Variants in FGD4 observed in about 807,000 individuals in gnomAD.
FGD4 encodes FYVE, RhoGEF and PH domain containing 4.
In FGD4, 42 loss-of-function variants were observed where a neutral mutation model predicts 102.0. The ratio of observed to expected loss-of-function variants is 0.41; its 90% CI spans 0.32 to 0.53. FGD4 has a LOEUF of 0.53. Among genes scored for constraint, FGD4 ranks in the 20% least tolerant of loss-of-function variants. The pLI, the probability that FGD4 is intolerant of heterozygous loss-of-function variation, is 0.21. For synonymous variants in FGD4, 380 were observed against 375.7 expected (o/e 1.01, Z -0.13); for missense variants, 902 against 1,078.2 (o/e 0.84, Z 2.29).
chr12:32,566,708 G>C (rs528373517), intron 2 of FGD4, among the ~76,000 whole-genome samples: 1 of 152,304 alleles, frequency 6.6e-6, no homozygotes, highest in African/African-American at 2.4e-5. Flanking sequence ...TTAGTGGAGA[G>C]AAGCTGATTT....
At position 32,458,983 on chromosome 12, in the gene FGD4, T is replaced by C. The variant is rs894611953; in HGVS notation, c.166+59024T>C. Among the ~76,000 whole-genome samples, 10 of 152,192 alleles carry C rather than the reference T, an allele frequency of 6.6e-5. No homozygotes were observed. The South Asian group carries it at 1.2e-3, about 19-fold the overall frequency. ...TTAGAAAAGAAGCCAGGTCTTTTCA[T>C]TGGAATTATCAATCCTTTCCTCATG... On this transcript the variant is annotated intron_variant, in intron 1 of 16. Coordinates refer to ENST00000534526, the MANE Select transcript of FGD4 (RefSeq NM_001370298.3).
In FGD4 at chr12:32,453,214, A is replaced by ATC. The variant is rs1565749028; in HGVS notation, c.166+53256_166+53257insCT. Among the ~76,000 whole-genome samples the ATC allele has an allele frequency of 2.5e-4, 13 of 52,160 alleles. 1 individual carries two copies. Among genetic ancestry groups the ATC allele is most frequent in the African/African-American group, 6.8e-4 (13 of 18,986 alleles). The allele number at this position is 52,160 out of a possible 152,430, so 34.2% of individuals were successfully genotyped here. A position where few individuals can be genotyped will look rare whatever the true frequency, so the allele number is the denominator to read the frequency against. On this transcript the variant is annotated intron_variant, in intron 1 of 16. Transcript: ENST00000534526. Reference sequence around the variant, plus strand: ...TTATATATATATTATATATATATATATATATAATATAGATATATATATATT... The same window carrying ATC: ...TTATATATATATTATATATATATATATCTATATAATATAGATATATATATATT...
At chr12:32,605,829 G>A (rs146429714) in intron 7 of FGD4, among the ~76,000 whole-genome samples, 155 of 152,284 alleles carry the variant, frequency 1.0e-3, no homozygotes, top group African/African-American at 3.5e-3. Flanking sequence ...GTGAAATAAT[G>A]TATTCAAATT....
chr12:32,422,287 G>GTTTTTTTTTTTTTT (rs1565730786), intron 1 of FGD4, among the ~76,000 whole-genome samples: 1 of 91,678 alleles, frequency 1.1e-5, no homozygotes, highest in Non-Finnish European at 2.3e-5. Context: ...ATTGGGAGCT[G>GTTTTTTTTTTTTTT]CTTTTTTTTT....
intron 1 of FGD4, among the ~76,000 whole-genome samples, chr12:32,542,002 G>A (rs947184329): frequency 5.3e-5 from 8 of 151,906 alleles, no homozygotes; most frequent in African/African-American, 7.3e-5. Context: ...ATCACCTTGC[G>A]TTTCACCGCA....
intron 15 of FGD4, 92 bp downstream of exon 15, chr12:32,633,781 T>G: frequency 8.4e-7 from 1 of 1,188,736 alleles, no homozygotes; most frequent in Non-Finnish European, 1.2e-6. Context: ...AGTGGCACGA[T>G]CTCAGCTCAC....
chr12:32,599,889 C>T (rs1282687727), intron 5 of FGD4, among the ~76,000 whole-genome samples: 1 of 152,004 alleles, frequency 6.6e-6, no homozygotes, highest in East Asian at 1.9e-4. Flanking sequence ...AAGAATAGGA[C>T]AAATGGTAGA....
chr12:32,607,038 T>A (rs535929378), intron 7 of FGD4, among the ~76,000 whole-genome samples: 18 of 152,382 alleles, frequency 1.2e-4, no homozygotes, highest in Non-Finnish European at 2.1e-4. Flanking sequence ...GAGTCCAAAG[T>A]CATTTAATAC....
At position 32,604,936 on chromosome 12, in the gene FGD4, C is replaced by CTTTTTTTTTTTTTTTTTTTT. The variant is rs575943561; in HGVS notation, c.1404+2638_1404+2639insTTTTTTTTTTTTTTTTTTTT. ...TCAATTTTATCTAGCTTTATAGCTG[C>CTTTTTTTTTTTTTTTTTTTT]TTTTTTTTTTTTTTTTTTTGGAGTT... On this transcript the variant is annotated intron_variant, in intron 7 of 16. Transcript: ENST00000534526. Among the ~76,000 whole-genome samples, 16 of 94,522 alleles carry CTTTTTTTTTTTTTTTTTTTT rather than the reference C, an allele frequency of 1.7e-4. 2 individuals are homozygous for CTTTTTTTTTTTTTTTTTTTT. Among genetic ancestry groups the CTTTTTTTTTTTTTTTTTTTT allele is most frequent in the African/African-American group, 6.0e-4 (12 of 20,024 alleles). 62.0% of individuals were successfully genotyped at this position (94,522 alleles called of 152,430 possible).
intron 1 of FGD4, among the ~76,000 whole-genome samples, chr12:32,478,488 A>G (rs2136538169): frequency 6.6e-6 from 1 of 151,702 alleles, no homozygotes; most frequent in East Asian, 1.9e-4. Context: ...CTGGTCTTGA[A>G]CTCCTGACCT....
intron 4 of FGD4, among the ~76,000 whole-genome samples, chr12:32,591,761 GAC>G (rs1317719788): frequency 1.3e-5 from 2 of 152,352 alleles, no homozygotes; most frequent in South Asian, 4.1e-4. Flanking sequence ...AGGCAGGACT[GAC>G]ACTGCAGTAC....
intron 1 of FGD4, among the ~76,000 whole-genome samples, chr12:32,499,205 G>C (rs1244304812): frequency 6.6e-6 from 1 of 152,190 alleles, no homozygotes; most frequent in Non-Finnish European, 1.5e-5. Context: ...CGCAGTATTT[G>C]AGGAAGATAA....
At chr12:32,434,442 C>A (rs1205084854) in intron 1 of FGD4, among the ~76,000 whole-genome samples, 1 of 152,144 alleles carries the variant, frequency 6.6e-6, no homozygotes, top group South Asian at 2.1e-4. Context: ...AAAATAGTTT[C>A]TTTCTCCCTT....
chr12:32,505,152 C>A (rs1238036879), intron 1 of FGD4, among the ~76,000 whole-genome samples: 1 of 152,146 alleles, frequency 6.6e-6, no homozygotes, highest in African/African-American at 2.4e-5. Flanking sequence ...CTGCTATGTT[C>A]ACATGTCCTT....
At chr12:32,517,657 C>T (rs1940034557) in intron 1 of FGD4, among the ~76,000 whole-genome samples, 1 of 152,088 alleles carries the variant, frequency 6.6e-6, no homozygotes, top group African/African-American at 2.4e-5. Context: ...CTTTGAGAGG[C>T]CAAGGCAGGA....
intron 11 of FGD4, among the ~76,000 whole-genome samples, chr12:32,620,297 A>C (rs12300734): frequency 0.15 from 22,862 of 152,088 alleles, 1,976 homozygotes; most frequent in Middle Eastern, 0.26. Context: ...CTTAGGGGCA[A>C]TCAAATGAAA....
intron 1 of FGD4, among the ~76,000 whole-genome samples, chr12:32,403,778 G>A (rs577740947): frequency 2.6e-5 from 4 of 152,024 alleles, no homozygotes; most frequent in African/African-American, 9.6e-5. Context: ...TGTATTTTTA[G>A]TAGAGACGGG....
rs1294353519 is a variant in FGD4, at chr12:32,640,473, A to G, written c.2652A>G (p.Pro884=). 2.2e-5 allele frequency: 35 copies of G among 1,614,074 alleles called. No individual in the cohort carries two copies. The highest frequency in any genetic ancestry group is 2.8e-5 in the Non-Finnish European group (33 of 1,180,040). Residue 884 remains proline, a synonymous_variant, in exon 17 of 17, where the codon CCA becomes CCG. Transcript: ENST00000534526. ...TCACAGGTGAGACACCAGGTGGTCCAAATGAGCATCCAGCCACCTTGGATG... is the reference window on the plus strand; with the variant it reads ...TCACAGGTGAGACACCAGGTGGTCCGAATGAGCATCCAGCCACCTTGGATG... The part of the protein sequence containing the change: ...LAVTGETPGG[P]NEHPATLDDH...
chr12:32,519,368 G>A (rs1381095846), intron 1 of FGD4, among the ~76,000 whole-genome samples: 1 of 152,108 alleles, frequency 6.6e-6, no homozygotes, highest in Non-Finnish European at 1.5e-5. Context: ...TGATTGTTTG[G>A]AAATGTTCCA....
Sources: gnomAD v4.1 joint callset for allele counts (sites outside exome capture counted in the v4.1 genomes callset) on GRCh38, gnomAD v4.1.1 for gene constraint, MANE v1.5 for transcripts, NCBI Gene and HGNC (gene_info 2026-07-23, HGNC 2026-07-21) for gene names.